The following FRAS1 variants were observed in gnomAD, a reference collection of about 807,000 sequenced individuals.
FRAS1 encodes Fraser extracellular matrix complex subunit 1.
FRAS1 carries 290 observed loss-of-function variants against 435.2 expected under a neutral mutation model. That is an observed-to-expected ratio of 0.67 (90% CI 0.61 to 0.73). The LOEUF (loss-of-function observed/expected upper bound fraction) is 0.73, where lower values mean the gene tolerates loss of function less well. Among genes scored for constraint, FRAS1 ranks in the 30% least tolerant of loss-of-function variants. The probability of loss-of-function intolerance (pLI) is 0.00; values close to 1 mark genes in which losing one functional copy is unlikely to be tolerated. For missense variants in FRAS1, 4,860 were observed against 5,001.5 expected, an observed-to-expected ratio of 0.97 and a Z score of 0.85; for synonymous variants, 1,800 against 1,851.0, an observed-to-expected ratio of 0.97 and a Z score of 0.71.
At chr4:78,473,306 A>G in intron 52 of FRAS1, 132 bp from the exon 53 acceptor site, 2 of 643,700 alleles carry the variant, frequency 3.1e-6, no homozygotes, top group Non-Finnish European at 5.3e-6. Flanking sequence ...CAACTACTAT[A>G]CTTTTGGTGC....
At chr4:78,236,148 A>T (rs1724744611) in intron 2 of FRAS1, among the ~76,000 whole-genome samples, 1 of 152,138 alleles carries the variant, frequency 6.6e-6, no homozygotes, top group Non-Finnish European at 1.5e-5. Context: ...GGAGAATGAG[A>T]TATGAGAACA....
chr4:78,249,048 G>GCAT lies in FRAS1; in HGVS notation c.310-3344_310-3343insCAT, dbSNP rs1553934018. On this transcript the variant is annotated intron_variant, in intron 4 of 73. Coordinates refer to ENST00000512123, the MANE Select transcript of FRAS1 (RefSeq NM_025074.7). ...TCATAAACGTGTATGAAGAACTACT[G>GCAT]ATATATATATATATGCATATATATA... 1.7e-3 allele frequency among the ~76,000 whole-genome samples: 48 copies of GCAT among 27,464 alleles called. 1 individual carries two copies. The highest frequency in any genetic ancestry group is 3.9e-3 in the African/African-American group (46 of 11,826). 18.0% of individuals were successfully genotyped at this position (27,464 alleles called of 152,430 possible). A position where few individuals can be genotyped will look rare whatever the true frequency, so the allele number is the denominator to read the frequency against.
Position 78,469,948 on chromosome 4 carries a change from A to G in FRAS1, c.7258-30A>G, listed in dbSNP as rs185464422. Reference sequence around the variant, plus strand: ...GACATACTTCAGGTACTTGTGAATGATGAGTTTTCTTTTCTGCCCTCCCCT... The same window carrying G: ...GACATACTTCAGGTACTTGTGAATGGTGAGTTTTCTTTTCTGCCCTCCCCT... On this transcript the variant is annotated intron_variant, in intron 50 of 73. Transcript: ENST00000512123. 11 of 1,512,330 alleles carry G rather than the reference A, an allele frequency of 7.3e-6. No individual in the cohort carries two copies. The East Asian group carries it at 2.5e-4, about 34-fold the overall frequency. 93.7% of individuals were successfully genotyped at this position (1,512,330 alleles called of 1,614,324 possible). A position where few individuals can be genotyped will look rare whatever the true frequency, so the allele number is the denominator to read the frequency against.
intron 59 of FRAS1, among the ~76,000 whole-genome samples, chr4:78,489,951 C>T (rs1169290078): frequency 1.0e-5 from 1 of 99,690 alleles, no homozygotes; most frequent in East Asian, 3.0e-4. Flanking sequence ...AAACTCACCA[C>T]TAAAGCTAGT....
At chr4:78,333,486 T>C (rs1421827054) in intron 19 of FRAS1, 74 bp downstream of exon 19, 3 of 1,445,182 alleles carry the variant, frequency 2.1e-6, no homozygotes, top group Non-Finnish European at 1.9e-6. Context: ...GACACTGTAA[T>C]TAGAAACCTT....
At chr4:78,221,380 T>C (rs1173158479) in intron 2 of FRAS1, among the ~76,000 whole-genome samples, 1 of 152,202 alleles carries the variant, frequency 6.6e-6, no homozygotes, top group Non-Finnish European at 1.5e-5. Flanking sequence ...GGCTGATTAA[T>C]TGATAGTTGA....
At chr4:78,105,388 G>A (rs1560523929) in intron 2 of FRAS1, among the ~76,000 whole-genome samples, 1 of 152,176 alleles carries the variant, frequency 6.6e-6, no homozygotes, top group East Asian at 1.9e-4. Flanking sequence ...CTCTAGATGT[G>A]CTTTTCTGTT....
At chr4:78,101,284 C>T (rs988056264) in intron 2 of FRAS1, among the ~76,000 whole-genome samples, 3 of 152,020 alleles carry the variant, frequency 2.0e-5, no homozygotes, top group East Asian at 1.9e-4. Flanking sequence ...TGGCAGTCTT[C>T]GGATTAGAAC....
chr4:78,243,636 C>T (rs1725103666), intron 3 of FRAS1, among the ~76,000 whole-genome samples: 1 of 149,812 alleles, frequency 6.7e-6, no homozygotes, highest in African/African-American at 2.5e-5. Context: ...CCTCTCCCCT[C>T]CCGCTACTGC....
intron 2 of FRAS1, among the ~76,000 whole-genome samples, chr4:78,120,179 T>C (rs1424403125): frequency 6.6e-6 from 1 of 152,214 alleles, no homozygotes; most frequent in Non-Finnish European, 1.5e-5. Flanking sequence ...GACCAACATA[T>C]GTGCCAAGTA....
chr4:78,191,560 C>G (rs1479357695), intron 2 of FRAS1, among the ~76,000 whole-genome samples: 4 of 141,252 alleles, frequency 2.8e-5, no homozygotes, highest in African/African-American at 1.1e-4. Context: ...AATTATTATA[C>G]TTTAAGTTTT....
At chr4:78,220,874 ACGT>A (rs1436326264) in intron 2 of FRAS1, among the ~76,000 whole-genome samples, 10 of 152,190 alleles carry the variant, frequency 6.6e-5, no homozygotes, top group Non-Finnish European at 1.3e-4. Context: ...AGAAATTAAC[ACGT>A]TTATTAAAAA....
At chr4:78,441,424 A>G in intron 41 of FRAS1, 127 bp downstream of exon 41, 1 of 868,610 alleles carries the variant, frequency 1.2e-6, no homozygotes, top group Non-Finnish European at 1.8e-6. Context: ...AAGAAATGGA[A>G]GGAAGGTAGG....
At chr4:78,467,611 A>G (rs995174667) in intron 50 of FRAS1, among the ~76,000 whole-genome samples, 4 of 152,160 alleles carry the variant, frequency 2.6e-5, no homozygotes, top group African/African-American at 9.7e-5. Context: ...GTTGGATTGT[A>G]TGGTAGCTCT....
intron 2 of FRAS1, among the ~76,000 whole-genome samples, chr4:78,114,888 G>A (rs1222945276): frequency 6.6e-6 from 1 of 152,156 alleles, no homozygotes; most frequent in Non-Finnish European, 1.5e-5. Context: ...TGGTGAGAGA[G>A]GGCATCCCTG....
intron 2 of FRAS1, among the ~76,000 whole-genome samples, chr4:78,183,581 A>C (rs567695529): frequency 1.3e-5 from 2 of 152,252 alleles, no homozygotes; most frequent in Admixed American, 1.3e-4. Context: ...CTTTCCTGTC[A>C]AATTATCTCT....
chr4:78,221,550 A>T (rs1724050245), intron 2 of FRAS1, among the ~76,000 whole-genome samples: 1 of 152,218 alleles, frequency 6.6e-6, no homozygotes, highest in Non-Finnish European at 1.5e-5. Context: ...GGTATGCCTT[A>T]GAAGGGACCC....
chr4:78,269,656 T>G (rs1021606649), intron 9 of FRAS1, among the ~76,000 whole-genome samples: 1 of 152,254 alleles, frequency 6.6e-6, no homozygotes, highest in Non-Finnish European at 1.5e-5. Context: ...GGTCTTTGTC[T>G]TTGCTATATT....
At chr4:78,158,228 G>A (rs537537824) in intron 2 of FRAS1, among the ~76,000 whole-genome samples, 2 of 152,262 alleles carry the variant, frequency 1.3e-5, no homozygotes, top group African/African-American at 4.8e-5. Flanking sequence ...ATAATTGGTG[G>A]TTTGATAGAA....
Sources: allele counts gnomAD v4.1 joint callset (sites outside exome capture counted in the v4.1 genomes callset), GRCh38; gene constraint gnomAD v4.1.1; transcripts MANE v1.5; gene names NCBI Gene and HGNC (gene_info 2026-07-23, HGNC 2026-07-21).